The following CSE1L variants were observed in gnomAD, a reference collection of about 807,000 sequenced individuals.
CSE1L encodes exportin-2.
CSE1L carries 24 observed loss-of-function variants against 120.4 expected under a neutral mutation model. The observed-to-expected ratio is 0.20, with a 90% CI of 0.14 to 0.28. CSE1L has a LOEUF of 0.28. Among genes scored for constraint, CSE1L ranks in the 10% least tolerant of loss-of-function variants. The probability of loss-of-function intolerance (pLI) is 1.00; values close to 1 mark genes in which losing one functional copy is unlikely to be tolerated. For missense variants in CSE1L, 830 were observed against 1,145.2 expected, an observed-to-expected ratio of 0.72 and a Z score of 3.97; for synonymous variants, 402 against 398.3, an observed-to-expected ratio of 1.01 and a Z score of -0.11.
chr20:49,084,156 C>T lies in CSE1L; in HGVS notation c.1613C>T (p.Ala538Val), dbSNP rs1433312124. The change falls in exon 15 of 25, where the codon GCC becomes GTC. Residue 538 changes from alanine (A) to valine (V), a missense_variant. Transcript: ENST00000262982. ...TTTACTATGCGAGGGCCTAACAATG[C>T]CACTCTGTGAGTATTTTATTCTAAA... ...RLFTMRGPNN[A>V]TLFTAAEIAP... 1.2e-6 allele frequency: 2 copies of T among 1,613,824 alleles called. No individual in the cohort carries two copies. The highest frequency in any genetic ancestry group is 8.5e-7 in the Non-Finnish European group (1 of 1,179,838).
chr20:49,051,963 TGG>T (rs2091769422), intron 1 of CSE1L, among the ~76,000 whole-genome samples: 1 of 152,252 alleles, frequency 6.6e-6, no homozygotes. Flanking sequence ...TCCAAAGCGC[TGG>T]GATTACAGGC....
chr20:49,065,326 T>TAA lies in CSE1L; in HGVS notation c.229-866_229-865insAA, dbSNP rs1568769089. Among the ~76,000 whole-genome samples, 95 of 116,670 alleles carry TAA rather than the reference T, an allele frequency of 8.1e-4. 1 individual carries two copies. Among genetic ancestry groups the TAA allele is most frequent in the African/African-American group, 2.8e-3 (90 of 32,122 alleles). 76.5% of individuals were successfully genotyped at this position (116,670 alleles called of 152,430 possible). On this transcript the variant is annotated intron_variant, in intron 3 of 24. Transcript: ENST00000262982. ...AATGAAAAAAAAATTTTTTTTTTTT[T>TAA]TTTTTTTTTTTTTTGAGAGGGAGTC... is the stretch of plus-strand genomic sequence containing the variant.
At chr20:49,080,701 C>T (rs2092005102) in intron 14 of CSE1L, among the ~76,000 whole-genome samples, 1 of 152,056 alleles carries the variant, frequency 6.6e-6, no homozygotes, top group East Asian at 1.9e-4. Flanking sequence ...GTCTCGAACC[C>T]CCTACCTCAG....
rs772400707 is a variant in CSE1L, at chr20:49,075,369, A to G, written c.1184A>G (p.Lys395Arg). Residue 395 changes from lysine to arginine, a missense_variant, in exon 12 of 25, where the codon AAG (lysine) becomes AGG (arginine). This residue lies in a region of CSE1L where 543 missense variants were observed against 640.2 expected (regional missense o/e 0.85). Coordinates refer to ENST00000262982, the MANE Select transcript of CSE1L (RefSeq NM_001316.4). ...TGTGATCTGGTACGAGGATTATGCA[A>G]GTTTTTTGAGGGACCTGTGACAGGA... ...AACDLVRGLC[K>R]FFEGPVTGIF... The G allele has an allele frequency of 6.3e-5, 101 of 1,613,888 alleles. No homozygotes were observed. Among genetic ancestry groups the G allele is most frequent in the Middle Eastern group, 1.6e-4 (1 of 6,084 alleles).
At chr20:49,082,973 C>T (rs2145742174) in intron 14 of CSE1L, among the ~76,000 whole-genome samples, 1 of 152,168 alleles carries the variant, frequency 6.6e-6, no homozygotes, top group South Asian at 2.1e-4. Context: ...GCATGCTCCA[C>T]CGTACCCACC....
At chr20:49,069,131 T>G (rs1374609783) in intron 7 of CSE1L, among the ~76,000 whole-genome samples, 1 of 152,202 alleles carries the variant, frequency 6.6e-6, no homozygotes, top group Admixed American at 6.5e-5. Flanking sequence ...TTCTGAGGCC[T>G]TCCTCTTTCG....
chr20:49,071,967 C>CAAAA (rs569520524), intron 8 of CSE1L, among the ~76,000 whole-genome samples: 12 of 109,316 alleles, frequency 1.1e-4, no homozygotes, highest in African/African-American at 3.7e-4. Flanking sequence ...GACTGCGTCT[C>CAAAA]AAAAAAAAAA....
intron 3 of CSE1L, among the ~76,000 whole-genome samples, chr20:49,064,133 A>G (rs377635325): frequency 6.6e-6 from 1 of 152,230 alleles, no homozygotes; most frequent in African/African-American, 2.4e-5. Flanking sequence ...GCATCCTACA[A>G]TGCACAAGAT....
chr20:49,068,731 G>T lies in CSE1L; in HGVS notation c.584G>T (p.Cys195Phe). 1 of 1,613,492 alleles carries T rather than the reference G, an allele frequency of 6.2e-7. No homozygotes were observed. Among genetic ancestry groups the T allele is most frequent in the Non-Finnish European group, 8.5e-7 (1 of 1,179,392 alleles). Residue 195 changes from cysteine (C) to phenylalanine (F), a missense_variant, in exon 7 of 25, where the codon TGC (cysteine) becomes TTC (phenylalanine). Coordinates refer to ENST00000262982, the MANE Select transcript of CSE1L (RefSeq NM_001316.4). Reference protein sequence around the residue: ...TNLFKATIELCSTHANDASAL... With the variant: ...TNLFKATIELFSTHANDASAL... ...CTTTCCAAGGCCACTATTGAACTCTGCAGTACCCATGCAAATGATGCCTCT... is the reference window on the plus strand; with the variant it reads ...CTTTCCAAGGCCACTATTGAACTCTTCAGTACCCATGCAAATGATGCCTCT...
At chr20:49,084,287 A>G (rs1254639997) in intron 15 of CSE1L, 125 bp downstream of exon 15, 10 of 982,366 alleles carry the variant, frequency 1.0e-5, no homozygotes, top group African/African-American at 1.6e-5. Context: ...ATTCCTTTAT[A>G]CTCTGTTTCA....
intron 11 of CSE1L, 141 bp downstream of exon 11, chr20:49,074,991 C>T (rs2091959446): frequency 3.2e-6 from 2 of 627,334 alleles, no homozygotes; most frequent in South Asian, 4.5e-5. Context: ...TGTCTTTCTT[C>T]AACTTGTCTT....
chr20:49,047,948 C>T (rs2091733126), intron 1 of CSE1L, among the ~76,000 whole-genome samples: 1 of 152,212 alleles, frequency 6.6e-6, no homozygotes, highest in Admixed American at 6.5e-5. Flanking sequence ...AGAGCAAGGA[C>T]CTTGTCTGTC....
At chr20:49,048,007 A>C (rs953584425) in intron 1 of CSE1L, among the ~76,000 whole-genome samples, 1 of 152,162 alleles carries the variant, frequency 6.6e-6, no homozygotes, top group South Asian at 2.1e-4. Context: ...TGTGCTTGCC[A>C]CATGGTAGAT....
intron 17 of CSE1L, 149 bp downstream of exon 17, chr20:49,088,255 G>A (rs2092075102): frequency 3.1e-6 from 2 of 640,454 alleles, no homozygotes; most frequent in Non-Finnish European, 5.5e-6. Flanking sequence ...GAAAGTGTGG[G>A]CATGCTGTTA....
In CSE1L at chr20:49,074,222, C is replaced by CTT. The variant is rs200689109; in HGVS notation, c.1067-550_1067-549dup. ...GTGTGTGTGTGTGTGTGTGTGTAGA[C>CTT]TTTTTTTTTTTTTTAATTTATATGA... On this transcript the variant is annotated intron_variant, in intron 10 of 24. Coordinates refer to ENST00000262982, the MANE Select transcript of CSE1L (RefSeq NM_001316.4). Among the ~76,000 whole-genome samples, 107 of 121,054 alleles carry CTT rather than the reference C, an allele frequency of 8.8e-4. 2 individuals are homozygous for CTT. Among genetic ancestry groups the CTT allele is most frequent in the East Asian group, 3.5e-3 (14 of 4,040 alleles). The allele number at this position is 121,054 out of a possible 152,430, so 79.4% of individuals were successfully genotyped here.
rs750290891 is a variant in CSE1L, at chr20:49,067,266, A to G, written c.553A>G (p.Thr185Ala). 6.2e-7 allele frequency: 1 copy of G among 1,606,452 alleles called. No homozygotes were observed. The highest frequency in any genetic ancestry group is 8.5e-7 in the Non-Finnish European group (1 of 1,174,452). The change falls in exon 6 of 25, where the codon ACT becomes GCT. Residue 185 changes from threonine to alanine, a missense_variant. This residue lies in a region of CSE1L where 543 missense variants were observed against 640.2 expected (regional missense o/e 0.85). Coordinates refer to ENST00000262982, the MANE Select transcript of CSE1L (RefSeq NM_001316.4). ...LVLDAFALPL[T>A]NLFKATIELC... ...TCTGGATGCCTTTGCTTTGCCTTTGACTAATCTTTTTAAGGTATGGAATGC... is the reference window on the plus strand; with the variant it reads ...TCTGGATGCCTTTGCTTTGCCTTTGGCTAATCTTTTTAAGGTATGGAATGC...
intron 1 of CSE1L, among the ~76,000 whole-genome samples, chr20:49,050,039 T>G (rs1184492268): frequency 1.3e-5 from 2 of 152,044 alleles, no homozygotes; most frequent in Non-Finnish European, 2.9e-5. Flanking sequence ...CAAAAAAGAG[T>G]ATTAAGATTC....
chr20:49,081,421 A>G (rs1372899407), intron 14 of CSE1L, among the ~76,000 whole-genome samples: 2 of 152,056 alleles, frequency 1.3e-5, no homozygotes, highest in Non-Finnish European at 2.9e-5. Flanking sequence ...AGTAGCTGGA[A>G]CCCAGGCACG....
intron 1 of CSE1L, among the ~76,000 whole-genome samples, chr20:49,047,566 T>TTTC: frequency 2.8e-5 from 1 of 36,126 alleles, no homozygotes; most frequent in Non-Finnish European, 4.9e-5. Context: ...TCTCTTTTCT[T>TTTC]TTTTTTTTTT....
Sources: allele counts gnomAD v4.1 joint callset (sites outside exome capture counted in the v4.1 genomes callset), GRCh38; gene constraint gnomAD v4.1.1; regional missense constraint gnomAD v4.1.1; transcripts MANE v1.5; gene names NCBI Gene and HGNC (gene_info 2026-07-23, HGNC 2026-07-21).